Variants in BACH2 observed in about 807,000 individuals in gnomAD.
BACH2 encodes transcription regulator protein BACH2.
In BACH2, 5 loss-of-function variants were observed where a neutral mutation model predicts 61.8. The observed-to-expected ratio is 0.08, with a 90% CI of 0.04 to 0.17. BACH2 has a LOEUF of 0.17. Among genes scored for constraint, BACH2 ranks in the 10% least tolerant of loss-of-function variants. BACH2 has a pLI of 1.00. For synonymous variants in BACH2, 446 were observed against 440.1 expected (o/e 1.01, Z -0.17); for missense variants, 824 against 1,091.1 (o/e 0.76, Z 3.45).
chr6:90,158,009 AGGG>A (rs1474435834), intron 4 of BACH2, among the ~76,000 whole-genome samples: 1 of 152,084 alleles, frequency 6.6e-6, no homozygotes, highest in East Asian at 1.9e-4. Context: ...GCGTTAACTG[AGGG>A]GGAGGTGATG....
rs1238773035 is a variant in BACH2 at position 90,111,214 on chromosome 6, C to CT, written c.-161-22106dup. Among the ~76,000 whole-genome samples the CT allele has an allele frequency of 2.6e-5, 4 of 152,324 alleles. No individual in the cohort carries two copies. The East Asian group carries it at 7.7e-4, about 29-fold the overall frequency. ...GGCCCCCAGGAACCCACAGACCACA[C>CT]TTTGAGAACTGTGGCACTAGCTTGC... is the stretch of plus-strand genomic sequence containing the variant. On this transcript the variant is annotated intron_variant, in intron 4 of 8. Coordinates refer to ENST00000257749, the MANE Select transcript of BACH2 (RefSeq NM_021813.4).
chr6:90,100,362 ACTTGTGGTCAAACATGT>A (rs1782561534), intron 4 of BACH2, among the ~76,000 whole-genome samples: 1 of 152,178 alleles, frequency 6.6e-6, no homozygotes, highest in Non-Finnish European at 1.5e-5. Context: ...CCATACCAAG[ACTTGTGGTCAAACATGT>A]TTGGGTGTCG....
chr6:90,007,770 A>G (rs755850862), intron 6 of BACH2, among the ~76,000 whole-genome samples: 1 of 152,242 alleles, frequency 6.6e-6, no homozygotes, highest in Non-Finnish European at 1.5e-5. Flanking sequence ...GTTACAAAGT[A>G]CAAAGCTTGT....
chr6:90,112,318 A>C (rs921100586), intron 4 of BACH2, among the ~76,000 whole-genome samples: 5 of 152,196 alleles, frequency 3.3e-5, no homozygotes, highest in Non-Finnish European at 7.3e-5. Context: ...TCCAAGGTTG[A>C]AATGAAAGAA....
chr6:90,017,413 G>T (rs1778127436), intron 5 of BACH2, among the ~76,000 whole-genome samples: 1 of 151,914 alleles, frequency 6.6e-6, no homozygotes, highest in Non-Finnish European at 1.5e-5. Context: ...GTATAGACAG[G>T]GTTTCACCAT....
chr6:90,243,974 T>C (rs1770545623), intron 3 of BACH2, among the ~76,000 whole-genome samples: 1 of 152,202 alleles, frequency 6.6e-6, no homozygotes, highest in Admixed American at 6.5e-5. Flanking sequence ...CAGGCTGGAG[T>C]GCAGTGGCAT....
chr6:90,141,509 A>G (rs1784460466), intron 4 of BACH2, among the ~76,000 whole-genome samples: 1 of 149,874 alleles, frequency 6.7e-6, no homozygotes, highest in African/African-American at 2.5e-5. Flanking sequence ...TTTTTTTTAA[A>G]CCAATGAATC....
At chr6:90,088,144 T>C (rs1782012862) in intron 5 of BACH2, among the ~76,000 whole-genome samples, 1 of 152,142 alleles carries the variant, frequency 6.6e-6, no homozygotes, top group Admixed American at 6.6e-5. Flanking sequence ...GATGTTTGCC[T>C]TTCTGTCCCA....
chr6:90,253,850 A>G (rs1212333063), intron 2 of BACH2, among the ~76,000 whole-genome samples: 2 of 152,202 alleles, frequency 1.3e-5, no homozygotes, highest in Non-Finnish European at 1.5e-5. Flanking sequence ...CTCTGCTCAA[A>G]TGCAGTATGT....
At chr6:90,122,639 C>T (rs1783678583) in intron 4 of BACH2, among the ~76,000 whole-genome samples, 1 of 152,200 alleles carries the variant, frequency 6.6e-6, no homozygotes, top group Non-Finnish European at 1.5e-5. Flanking sequence ...TAAACACCTC[C>T]CTGATTTCTG....
chr6:90,168,035 T>C (rs1767689056), intron 4 of BACH2, among the ~76,000 whole-genome samples: 1 of 152,196 alleles, frequency 6.6e-6, no homozygotes. Context: ...AAAGAGGATG[T>C]GCAAAGAGGC....
At chr6:90,274,572 G>GC (rs1436463917) in intron 1 of BACH2, among the ~76,000 whole-genome samples, 9 of 152,144 alleles carry the variant, frequency 5.9e-5, no homozygotes, top group Middle Eastern at 3.4e-3. Flanking sequence ...TATCACAGCC[G>GC]CCCCCACCTG....
intron 5 of BACH2, among the ~76,000 whole-genome samples, chr6:90,028,893 G>A (rs571658920): frequency 6.6e-6 from 1 of 152,296 alleles, no homozygotes; most frequent in South Asian, 2.1e-4. Context: ...ACCTGATAAA[G>A]GGCACCTATC....
intron 5 of BACH2, among the ~76,000 whole-genome samples, chr6:90,059,797 A>T (rs1273473601): frequency 6.6e-6 from 1 of 152,020 alleles, no homozygotes; most frequent in South Asian, 2.1e-4. Context: ...ATGCAGCCAT[A>T]AAAAATGATG....
chr6:90,127,921 T>C (rs575644744), intron 4 of BACH2, among the ~76,000 whole-genome samples: 3 of 152,324 alleles, frequency 2.0e-5, no homozygotes, highest in South Asian at 4.1e-4. Context: ...GCAAGGACTT[T>C]CTTTAGATGG....
At chr6:90,256,806 G>C (rs891467173) in intron 2 of BACH2, among the ~76,000 whole-genome samples, 3 of 151,996 alleles carry the variant, frequency 2.0e-5, no homozygotes, top group African/African-American at 7.3e-5. Context: ...CATACCTATA[G>C]TCTTCATACT....
chr6:90,168,861 G>A (rs540041962), intron 4 of BACH2, among the ~76,000 whole-genome samples: 5 of 152,172 alleles, frequency 3.3e-5, no homozygotes, highest in East Asian at 3.9e-4. Flanking sequence ...CCTGTTCCAC[G>A]CTGGTTTTCA....
At position 90,011,932 on chromosome 6, in the gene BACH2, A is replaced by G. The variant is rs78914926; in HGVS notation, c.-12-3076T>C. ...AAGACTCTGTCTCAAAAAAAAAAAT[A>G]TGTGTGTGTGTGTGTGTGTGTGTGT... On this transcript the variant is annotated intron_variant, in intron 5 of 8. Coordinates refer to ENST00000257749, the MANE Select transcript of BACH2 (RefSeq NM_021813.4). 8.1e-3 allele frequency among the ~76,000 whole-genome samples: 923 copies of G among 114,290 alleles called. 4 individuals carry two copies. Among genetic ancestry groups the G allele is most frequent in the Middle Eastern group, 0.019 (4 of 216 alleles). The allele number at this position is 114,290 out of a possible 152,430, so 75.0% of individuals were successfully genotyped here. A position where few individuals can be genotyped will look rare whatever the true frequency, so the allele number is the denominator to read the frequency against.
chr6:90,271,525 T>C (rs1050699562), intron 2 of BACH2, among the ~76,000 whole-genome samples: 8 of 152,224 alleles, frequency 5.3e-5, no homozygotes, highest in African/African-American at 1.9e-4. Flanking sequence ...TTTTCTCATG[T>C]TTATATTAAA....
Sources: gnomAD v4.1 joint callset for allele counts (sites outside exome capture counted in the v4.1 genomes callset) on GRCh38, gnomAD v4.1.1 for gene constraint, MANE v1.5 for transcripts, NCBI Gene and HGNC (gene_info 2026-07-23, HGNC 2026-07-21) for gene names.